Variants in C8orf34 observed in about 807,000 individuals in gnomAD.
C8orf34 encodes chromosome 8 open reading frame 34.
A neutral mutation model predicts 68.3 loss-of-function variants in C8orf34; 65 were observed. That is an observed-to-expected ratio of 0.95 (90% confidence interval 0.78 to 1.17). The LOEUF is 1.17. Among genes scored for constraint, C8orf34 ranks in the 50% most tolerant of loss-of-function variants. The pLI, the probability that C8orf34 is intolerant of heterozygous loss-of-function variation, is 0.00. For missense variants in C8orf34, 664 were observed against 655.4 expected, an observed-to-expected ratio of 1.01 and a Z score of -0.14; for synonymous variants, 244 against 241.2, an observed-to-expected ratio of 1.01 and a Z score of -0.11.
At chr8:68,754,941 GTATACT>G (rs1298578776) in intron 10 of C8orf34, among the ~76,000 whole-genome samples, 3 of 152,056 alleles carry the variant, frequency 2.0e-5, no homozygotes, top group African/African-American at 7.2e-5. Flanking sequence ...TTAGTAAATA[GTATACT>G]TATATATTTT....
At chr8:68,565,790 G>C (rs1264853990) in intron 7 of C8orf34, among the ~76,000 whole-genome samples, 1 of 152,114 alleles carries the variant, frequency 6.6e-6, no homozygotes, top group African/African-American at 2.4e-5. Context: ...TAGAGAGTTT[G>C]CCTAATTCTA....
chr8:68,707,716 CA>C (rs1249512176), intron 8 of C8orf34, among the ~76,000 whole-genome samples: 1 of 152,060 alleles, frequency 6.6e-6, no homozygotes, highest in Non-Finnish European at 1.5e-5. Context: ...GCTGAGATTA[CA>C]GGAGTGAGCC....
chr8:68,455,967 C>T (rs941781912), intron 3 of C8orf34, among the ~76,000 whole-genome samples: 2 of 151,518 alleles, frequency 1.3e-5, no homozygotes, highest in South Asian at 2.1e-4. Context: ...TCTGTCTAGC[C>T]GGGCGTGGTG....
At chr8:68,419,832 G>GT (rs1256308882) in intron 1 of C8orf34, among the ~76,000 whole-genome samples, 1 of 106,408 alleles carries the variant, frequency 9.4e-6, no homozygotes, top group Admixed American at 1.3e-4. Context: ...CTGTTGTGGG[G>GT]TGGGGGAAGG....
rs10690187 is a variant in C8orf34, at chr8:68,798,288, CT to C, written c.1549+10772del. On this transcript the variant is annotated intron_variant, in intron 12 of 13. Transcript: ENST00000518698. The stretch of plus-strand genomic sequence containing the variant: ...TACAGGTGTGAAGCATTATGTCTGG[CT>C]TTTTTTTTTTTTTTTTTTTAAACAG... Among the ~76,000 whole-genome samples the C allele has an allele frequency of 1.8e-3, 230 of 124,996 alleles. 2 individuals are homozygous for C. Among genetic ancestry groups the C allele is most frequent in the East Asian group, 4.9e-3 (20 of 4,102 alleles). 82.0% of individuals were successfully genotyped at this position (124,996 alleles called of 152,430 possible). A position where few individuals can be genotyped will look rare whatever the true frequency, so the allele number is the denominator to read the frequency against.
At chr8:68,755,860 G>C (rs1027870925) in intron 10 of C8orf34, among the ~76,000 whole-genome samples, 27 of 151,428 alleles carry the variant, frequency 1.8e-4, no homozygotes, top group African/African-American at 6.6e-4. Flanking sequence ...AGGAGGTCGA[G>C]ACCATCCTGG....
chr8:68,476,797 A>T (rs925880054), intron 4 of C8orf34, among the ~76,000 whole-genome samples: 4 of 152,186 alleles, frequency 2.6e-5, no homozygotes, highest in African/African-American at 9.7e-5. Flanking sequence ...GAATATCACT[A>T]TGTCAAAAGG....
chr8:68,335,069 T>C (rs1370681736), intron 1 of C8orf34, among the ~76,000 whole-genome samples: 1 of 152,126 alleles, frequency 6.6e-6, no homozygotes, highest in African/African-American at 2.4e-5. Flanking sequence ...AGATCTCCTT[T>C]CGTTGTTCCC....
intron 8 of C8orf34, among the ~76,000 whole-genome samples, chr8:68,684,349 CAGAAA>C (rs1461449598): frequency 2.0e-5 from 3 of 152,030 alleles, no homozygotes; most frequent in Non-Finnish European, 2.9e-5. Flanking sequence ...TTTCACATCA[CAGAAA>C]AGAAATCTTA....
intron 12 of C8orf34, among the ~76,000 whole-genome samples, chr8:68,811,344 A>T (rs951907467): frequency 1.3e-5 from 2 of 152,208 alleles, no homozygotes; most frequent in African/African-American, 4.8e-5. Flanking sequence ...CCGAGCCTGC[A>T]GGGGCAGGTG....
At chr8:68,748,615 A>C (rs1822589865) in intron 10 of C8orf34, among the ~76,000 whole-genome samples, 1 of 152,234 alleles carries the variant, frequency 6.6e-6, no homozygotes, top group Non-Finnish European at 1.5e-5. Flanking sequence ...ACATTTATGC[A>C]GCCAAAAAAC....
At chr8:68,563,568 GAGA>G (rs1356949284) in intron 7 of C8orf34, among the ~76,000 whole-genome samples, 1 of 151,994 alleles carries the variant, frequency 6.6e-6, no homozygotes, top group Non-Finnish European at 1.5e-5. Flanking sequence ...GCTACAAAGG[GAGA>G]AGGAGAGCTC....
chr8:68,398,461 A>G (rs1808809266), intron 1 of C8orf34, among the ~76,000 whole-genome samples: 1 of 152,204 alleles, frequency 6.6e-6, no homozygotes, highest in African/African-American at 2.4e-5. Context: ...GTTTACTAAC[A>G]TAATATTTTG....
At chr8:68,382,301 T>A (rs1808076207) in intron 1 of C8orf34, among the ~76,000 whole-genome samples, 1 of 152,142 alleles carries the variant, frequency 6.6e-6, no homozygotes, top group Admixed American at 6.5e-5. Context: ...TCCAGAGAGA[T>A]TTTTACAGTT....
At position 68,742,263 on chromosome 8, in the gene C8orf34, T is replaced by A. The variant is rs945313210; in HGVS notation, c.1404+20826T>A. ...TCAATGACTCTCCATTTAGCCTTCC[T>A]TTGCTGCTAATGTCCAGTTTTAATC... is the stretch of plus-strand genomic sequence containing the variant. On this transcript the variant is annotated intron_variant, in intron 10 of 13. Transcript: ENST00000518698. Among the ~76,000 whole-genome samples the A allele has an allele frequency of 3.0e-4, 45 of 152,220 alleles. 1 individual carries two copies. The highest frequency in any genetic ancestry group is 6.3e-4 in the Non-Finnish European group (43 of 68,030).
At chr8:68,746,175 CT>C (rs747118070) in intron 10 of C8orf34, among the ~76,000 whole-genome samples, 16 of 152,094 alleles carry the variant, frequency 1.1e-4, no homozygotes, top group Non-Finnish European at 2.4e-4. Flanking sequence ...TAAAGATGTT[CT>C]TTGAAACCAA....
chr8:68,622,393 G>T (rs984884260), intron 7 of C8orf34, among the ~76,000 whole-genome samples: 1 of 152,074 alleles, frequency 6.6e-6, no homozygotes, highest in Non-Finnish European at 1.5e-5. Context: ...AGTGTGTTCA[G>T]CATATTAATA....
At chr8:68,682,249 T>C (rs531627069) in intron 8 of C8orf34, among the ~76,000 whole-genome samples, 1 of 152,146 alleles carries the variant, frequency 6.6e-6, no homozygotes, top group Non-Finnish European at 1.5e-5. Flanking sequence ...GATAACTGCT[T>C]GAGGTGATGG....
intron 1 of C8orf34, among the ~76,000 whole-genome samples, chr8:68,403,276 T>C (rs1199740200): frequency 6.6e-6 from 1 of 152,214 alleles, no homozygotes; most frequent in Non-Finnish European, 1.5e-5. Context: ...TGCTCATTCT[T>C]GCCATTTGTG....
Sources: allele counts gnomAD v4.1 joint callset (sites outside exome capture counted in the v4.1 genomes callset), GRCh38; gene constraint gnomAD v4.1.1; transcripts MANE v1.5; gene names NCBI Gene and HGNC (gene_info 2026-07-23, HGNC 2026-07-21).